The following HMX3 variants were observed in gnomAD, a reference collection of about 807,000 sequenced individuals.
HMX3 encodes the protein homeobox protein HMX3.
HMX3 carries 8 observed loss-of-function variants against 22.8 expected under a neutral mutation model. The ratio of observed to expected loss-of-function variants is 0.35; its 90% confidence interval spans 0.21 to 0.63. The LOEUF is 0.63. Among genes scored for constraint, HMX3 ranks in the 30% least tolerant of loss-of-function variants. The probability of loss-of-function intolerance (pLI) is 0.72; values close to 1 mark genes in which losing one functional copy is unlikely to be tolerated. For synonymous variants in HMX3, 331 were observed against 250.9 expected, an observed-to-expected ratio of 1.32 and a Z score of -3.02; for missense variants, 527 against 520.6, an observed-to-expected ratio of 1.01 and a Z score of -0.12.
rs767568082 is a variant in HMX3, at chr10:123,136,329, C to T, written c.279C>T (p.Phe93=). The change falls in exon 1 of 2, where the codon TTC becomes TTT. Residue 93 remains phenylalanine, a synonymous_variant. Transcript: ENST00000357878. The surrounding 1 kb of genome is among the most constrained non-coding windows in gnomAD (Gnocchi z 4.8). Reference sequence around the variant, plus strand: ...TCTCGCAGGTGGGCGACCTGGCTTTCCCTCGCTTTGAGATCCCGGCGCAGA... The same window carrying T: ...TCTCGCAGGTGGGCGACCTGGCTTTTCCTCGCTTTGAGATCCCGGCGCAGA... ...FALSQVGDLA[F]PRFEIPAQRF... The T allele has an allele frequency of 5.7e-6, 9 of 1,569,154 alleles. No individual in the cohort carries two copies. The highest frequency in any genetic ancestry group is 7.8e-6 in the Non-Finnish European group (9 of 1,158,874).
Position 123,136,388 on chromosome 10 carries a change from C to T in HMX3, c.338C>T (p.Ser113Phe). 1 of 1,561,416 alleles carries T rather than the reference C, an allele frequency of 6.4e-7. No homozygotes were observed. Among genetic ancestry groups the T allele is most frequent in the Non-Finnish European group, 8.7e-7 (1 of 1,154,444 alleles). ...FALPAHYLER[S>F]PAWWYPYTLT... ...CTGCCCGCGCACTACCTGGAGCGCT[C>T]CCCAGCCTGGTGGTACCCCTACACC... is the stretch of plus-strand genomic sequence containing the variant. Residue 113 changes from serine to phenylalanine, a missense_variant, in exon 1 of 2, where the codon TCC (serine) becomes TTC (phenylalanine). Around this residue, in one of 3 missense-constraint regions of HMX3, gnomAD observed 386 missense variants for 337.8 expected, o/e 1.14. Coordinates refer to ENST00000357878, the MANE Select transcript of HMX3 (RefSeq NM_001105574.2). This position sits in a 1 kb window ranked among gnomAD's most constrained non-coding sequence, Gnocchi z 4.8.
chr10:123,137,951 T>C lies in HMX3; in HGVS notation c.*220T>C, dbSNP rs1218966766. On this transcript the variant is annotated 3_prime_UTR_variant, in exon 2 of 2. Coordinates refer to ENST00000357878, the MANE Select transcript of HMX3 (RefSeq NM_001105574.2). The surrounding 1 kb of genome is among the most constrained non-coding windows in gnomAD (Gnocchi z 5.8). ...AATGGATTGGAGGCGCTTCCCCTCTTACTTTTGGTTTTTGGCTTATATTAA... is the reference window on the plus strand; with the variant it reads ...AATGGATTGGAGGCGCTTCCCCTCTCACTTTTGGTTTTTGGCTTATATTAA... 6.6e-6 allele frequency among the ~76,000 whole-genome samples: 1 copy of C among 152,212 alleles called. No homozygotes were observed. The highest frequency in any genetic ancestry group is 1.5e-5 in the Non-Finnish European group (1 of 68,030).
rs1036507262 is a variant in HMX3, at chr10:123,136,905, A to C, written c.401-153A>C. On this transcript the variant is annotated intron_variant, in intron 1 of 1. Coordinates refer to ENST00000357878, the MANE Select transcript of HMX3 (RefSeq NM_001105574.2). This position sits in a 1 kb window ranked among gnomAD's most constrained non-coding sequence, Gnocchi z 4.8. Reference sequence around the variant, plus strand: ...GGACTCGGCGTCCCTTCTCTGGCCCAGCCGAGAAGGAGGCAGCCCGCGGGA... The same window carrying C: ...GGACTCGGCGTCCCTTCTCTGGCCCCGCCGAGAAGGAGGCAGCCCGCGGGA... Among the ~76,000 whole-genome samples, 2 of 152,114 alleles carry C rather than the reference A, an allele frequency of 1.3e-5. No individual in the cohort carries two copies. Among genetic ancestry groups the C allele is most frequent in the African/African-American group, 4.8e-5 (2 of 41,436 alleles).
chr10:123,137,491 C>T lies in HMX3; in HGVS notation c.834C>T (p.Arg278=), dbSNP rs1237060351. 1.9e-6 allele frequency: 3 copies of T among 1,613,400 alleles called. No homozygotes were observed. Among genetic ancestry groups the T allele is most frequent in the East Asian group, 4.5e-5 (2 of 44,860 alleles). Residue 278 remains arginine (R), a synonymous_variant, in exon 2 of 2, where the codon CGC becomes CGT. Coordinates refer to ENST00000357878, the MANE Select transcript of HMX3 (RefSeq NM_001105574.2). This position sits in a 1 kb window ranked among gnomAD's most constrained non-coding sequence, Gnocchi z 5.8. ...ETQVKIWFQN[R]RNKWKRQLAA... ...AGGTCAAGATCTGGTTCCAGAACCG[C>T]CGCAACAAGTGGAAGCGGCAGCTGG...
Position 123,136,522 on chromosome 10 carries a change from T to C in HMX3, c.400+72T>C. ...CCGTCCCCGCCCCGCGCTGCTTCCC[T>C]CCGCAGTTCTGGGACCCCAGCACCC... is the stretch of plus-strand genomic sequence containing the variant. On this transcript the variant is annotated intron_variant, in intron 1 of 1. Coordinates refer to ENST00000357878, the MANE Select transcript of HMX3 (RefSeq NM_001105574.2). The surrounding 1 kb of genome is among the most constrained non-coding windows in gnomAD (Gnocchi z 4.8). 8.3e-7 allele frequency: 1 copy of C among 1,208,692 alleles called. No individual in the cohort carries two copies. Among genetic ancestry groups the C allele is most frequent in the Non-Finnish European group, 1.1e-6 (1 of 935,620 alleles). The allele number at this position is 1,208,692 out of a possible 1,614,324, so 74.9% of individuals were successfully genotyped here.
Position 123,139,349 on chromosome 10 carries a change from A to AAGAG in HMX3, c.*1619_*1620insGAGA. ...AGTCCCTTTTTAAGAAAAAGAGAAAAAAAAAACCCACAAAATATTGTTACA... is the reference window on the plus strand; with the variant it reads ...AGTCCCTTTTTAAGAAAAAGAGAAAAAGAGAAAAAACCCACAAAATATTGTTACA... On this transcript the variant is annotated 3_prime_UTR_variant, in exon 2 of 2. Coordinates refer to ENST00000357878, the MANE Select transcript of HMX3 (RefSeq NM_001105574.2). Among the ~76,000 whole-genome samples, 1 of 151,996 alleles carries AAGAG rather than the reference A, an allele frequency of 6.6e-6. No homozygotes were observed. Among genetic ancestry groups the AAGAG allele is most frequent in the Admixed American group, 6.5e-5 (1 of 15,292 alleles).
rs1844077077 is a variant in HMX3, at chr10:123,136,463, C to G, written c.400+13C>G. 2 of 1,381,592 alleles carry G rather than the reference C, an allele frequency of 1.4e-6. No homozygotes were observed. The highest frequency in any genetic ancestry group is 1.8e-5 in the South Asian group (1 of 55,318). 85.6% of individuals were successfully genotyped at this position (1,381,592 alleles called of 1,614,324 possible). A position where few individuals can be genotyped will look rare whatever the true frequency, so the allele number is the denominator to read the frequency against. ...CCGCGACCTGAAGGTACCGACCTCT[C>G]TTTGAACTTTCGTTGTCCCCCTGCG... On this transcript the variant is annotated intron_variant, in intron 1 of 1. Transcript: ENST00000357878. The surrounding 1 kb of genome is among the most constrained non-coding windows in gnomAD (Gnocchi z 4.8).
chr10:123,136,585 G>C lies in HMX3; in HGVS notation c.400+135G>C. ...CTCGGTCAGTTTTTTTCGGCCCCTA[G>C]CCTGCCCTCGCGCTGGGTTGCGCTG... On this transcript the variant is annotated intron_variant, in intron 1 of 1. Transcript: ENST00000357878. The surrounding 1 kb of genome is among the most constrained non-coding windows in gnomAD (Gnocchi z 4.8). 1 of 626,532 alleles carries C rather than the reference G, an allele frequency of 1.6e-6. No homozygotes were observed. Among genetic ancestry groups the C allele is most frequent in the Non-Finnish European group, 2.4e-6 (1 of 421,062 alleles). 38.8% of individuals were successfully genotyped at this position (626,532 alleles called of 1,614,324 possible). A position where few individuals can be genotyped will look rare whatever the true frequency, so the allele number is the denominator to read the frequency against.
chr10:123,137,245 CG>C lies in HMX3; in HGVS notation c.592del (p.Ala198ArgfsTer3). 2 of 1,592,326 alleles carry C rather than the reference CG, an allele frequency of 1.3e-6. No individual in the cohort carries two copies. The highest frequency in any genetic ancestry group is 8.5e-7 in the Non-Finnish European group (1 of 1,169,606). On this transcript the variant is annotated frameshift_variant, in exon 2 of 2. Transcript: ENST00000357878. LOFTEE classifies it high-confidence loss of function. The surrounding 1 kb of genome is among the most constrained non-coding windows in gnomAD (Gnocchi z 5.8). ...AAGGCGAAGCGGCGCCAGGCGCGGC[CG>C]GGGCGAGCGTAGGGGCGGCGGCGGC... ...KEGEAAPGAA[G>X]ASVGAAAATP...
At position 123,138,638 on chromosome 10, in the gene HMX3, G is replaced by T. The variant is rs868103662; in HGVS notation, c.*907G>T. Among the ~76,000 whole-genome samples, 1 of 152,040 alleles carries T rather than the reference G, an allele frequency of 6.6e-6. No homozygotes were observed. The highest frequency in any genetic ancestry group is 1.5e-5 in the Non-Finnish European group (1 of 68,010). On this transcript the variant is annotated 3_prime_UTR_variant, in exon 2 of 2. Coordinates refer to ENST00000357878, the MANE Select transcript of HMX3 (RefSeq NM_001105574.2). ...CGACTCAGGCCGCTTTTCTCTTCTG[G>T]AGAGGTCTGTTGCAATTAGCCTCTT...
In HMX3 at chr10:123,137,564, A is replaced by C; in HGVS notation, c.907A>C (p.Ile303Leu). 1.9e-6 allele frequency: 3 copies of C among 1,608,434 alleles called. No homozygotes were observed. The highest frequency in any genetic ancestry group is 2.5e-6 in the Non-Finnish European group (3 of 1,178,886). Reference sequence around the variant, plus strand: ...CCTGAGCCATGCCGCGGCGCAGCGCATCGTGCGGGTGCCCATCCTCTACCA... The same window carrying C: ...CCTGAGCCATGCCGCGGCGCAGCGCCTCGTGCGGGTGCCCATCCTCTACCA... ...ANLSHAAAQR[I>L]VRVPILYHEN... is the part of the protein sequence containing the mutation. The change falls in exon 2 of 2, where the codon ATC becomes CTC. Residue 303 changes from isoleucine to leucine, a missense_variant. Coordinates refer to ENST00000357878, the MANE Select transcript of HMX3 (RefSeq NM_001105574.2). The surrounding 1 kb of genome is among the most constrained non-coding windows in gnomAD (Gnocchi z 5.8).
Position 123,136,258 on chromosome 10 carries a change from G to A in HMX3, c.208G>A (p.Ala70Thr), listed in dbSNP as rs1477457238. 12 of 1,364,026 alleles carry A rather than the reference G, an allele frequency of 8.8e-6. No homozygotes were observed. The highest frequency in any genetic ancestry group is 1.1e-5 in the Non-Finnish European group (12 of 1,061,082). The allele number at this position is 1,364,026 out of a possible 1,614,324, so 84.5% of individuals were successfully genotyped here. A position where few individuals can be genotyped will look rare whatever the true frequency, so the allele number is the denominator to read the frequency against. ...SAAAAAAAAA[A>T]AAAKGALEGA... The stretch of plus-strand genomic sequence containing the variant: ...TGCCGCCGCCGCCGCCGCTGCCGCT[G>A]CCGCGGCGGCCAAGGGGGCCCTGGA... The change falls in exon 1 of 2, where the codon GCC becomes ACC. Residue 70 changes from alanine to threonine, a missense_variant. Ala to Thr is a moderately conservative substitution (Grantham distance 58). Coordinates refer to ENST00000357878, the MANE Select transcript of HMX3 (RefSeq NM_001105574.2). This position sits in a 1 kb window ranked among gnomAD's most constrained non-coding sequence, Gnocchi z 4.8.
At position 123,137,306 on chromosome 10, in the gene HMX3, G is replaced by C. The variant is rs769112328; in HGVS notation, c.649G>C (p.Glu217Gln). ...CGCAGAAGACTGGAAGAAGGGCGCTGAAAGTCCAGAGAAGAAGCCGGCGTG... is the reference window on the plus strand; with the variant it reads ...CGCAGAAGACTGGAAGAAGGGCGCTCAAAGTCCAGAGAAGAAGCCGGCGTG... Reference protein sequence around the residue: ...PGAEDWKKGAESPEKKPACRK... With the variant: ...PGAEDWKKGAQSPEKKPACRK... Residue 217 changes from glutamate to glutamine, a missense_variant, in exon 2 of 2, where the codon GAA (glutamate) becomes CAA (glutamine). Coordinates refer to ENST00000357878, the MANE Select transcript of HMX3 (RefSeq NM_001105574.2). The surrounding 1 kb of genome is among the most constrained non-coding windows in gnomAD (Gnocchi z 5.8). 1 of 1,606,490 alleles carries C rather than the reference G, an allele frequency of 6.2e-7. No individual in the cohort carries two copies. The highest frequency in any genetic ancestry group is 1.1e-5 in the South Asian group (1 of 90,354).
chr10:123,137,974 T>A lies in HMX3; in HGVS notation c.*243T>A, dbSNP rs1466593612. ...CTTACTTTTGGTTTTTGGCTTATAT[T>A]AAGAGAAAGCAGGAACAAGACAAAA... On this transcript the variant is annotated 3_prime_UTR_variant, in exon 2 of 2. Transcript: ENST00000357878. The surrounding 1 kb of genome is among the most constrained non-coding windows in gnomAD (Gnocchi z 5.8). Among the ~76,000 whole-genome samples, 2 of 152,216 alleles carry A rather than the reference T, an allele frequency of 1.3e-5. No individual in the cohort carries two copies. Among genetic ancestry groups the A allele is most frequent in the Non-Finnish European group, 2.9e-5 (2 of 68,034 alleles).
Position 123,136,006 on chromosome 10 carries a change from C to T in HMX3, c.-45C>T, listed in dbSNP as rs1217088479. 3 of 1,317,776 alleles carry T rather than the reference C, an allele frequency of 2.3e-6. No homozygotes were observed. The highest frequency in any genetic ancestry group is 2.3e-5 in the South Asian group (1 of 43,486). 81.6% of individuals were successfully genotyped at this position (1,317,776 alleles called of 1,614,324 possible). A position where few individuals can be genotyped will look rare whatever the true frequency, so the allele number is the denominator to read the frequency against. ...TCTCGCCTGCTCGCCCCGCCGCCCG[C>T]CTGTCCCGCTCCCTCCCTCCCGGGG... On this transcript the variant is annotated 5_prime_UTR_variant, in exon 1 of 2. Transcript: ENST00000357878. This position sits in a 1 kb window ranked among gnomAD's most constrained non-coding sequence, Gnocchi z 4.8.
Position 123,136,939 on chromosome 10 carries a change from G to A in HMX3, c.401-119G>A. The A allele has an allele frequency of 1.7e-6, 2 of 1,198,448 alleles. No homozygotes were observed. Among genetic ancestry groups the A allele is most frequent in the East Asian group, 2.6e-5 (1 of 38,510 alleles). The allele number at this position is 1,198,448 out of a possible 1,614,324, so 74.2% of individuals were successfully genotyped here. A position where few individuals can be genotyped will look rare whatever the true frequency, so the allele number is the denominator to read the frequency against. On this transcript the variant is annotated intron_variant, in intron 1 of 1. Coordinates refer to ENST00000357878, the MANE Select transcript of HMX3 (RefSeq NM_001105574.2). This position sits in a 1 kb window ranked among gnomAD's most constrained non-coding sequence, Gnocchi z 4.8. ...GGAGGCAGCCCGCGGGAATGGTGAG[G>A]CCTCATGGCCTGGGACCTGGAGGCC... is the stretch of plus-strand genomic sequence containing the variant.
rs1844114047 is a variant in HMX3, at chr10:123,139,355, ACCC to A, written c.*1625_*1627del. On this transcript the variant is annotated 3_prime_UTR_variant, in exon 2 of 2. Coordinates refer to ENST00000357878, the MANE Select transcript of HMX3 (RefSeq NM_001105574.2). ...TTTTTAAGAAAAAGAGAAAAAAAAA[ACCC>A]ACAAAATATTGTTACACTAATGTTG... Among the ~76,000 whole-genome samples, 1 of 151,954 alleles carries A rather than the reference ACCC, an allele frequency of 6.6e-6. No homozygotes were observed. The highest frequency in any genetic ancestry group is 6.6e-5 in the Admixed American group (1 of 15,266).
In HMX3 at chr10:123,138,162, C is replaced by T. The variant is rs56309409; in HGVS notation, c.*431C>T. ...TTCTTTTCTGCTTTTTTTTTTTTTT[C>T]CGAGACGGAATCTTGCTCTATCTAT... On this transcript the variant is annotated 3_prime_UTR_variant, in exon 2 of 2. Coordinates refer to ENST00000357878, the MANE Select transcript of HMX3 (RefSeq NM_001105574.2). Among the ~76,000 whole-genome samples, 126,561 of 140,896 alleles carry T rather than the reference C, an allele frequency of 0.9. 56,840 individuals are homozygous for T. The highest frequency in any genetic ancestry group is 0.98 in the East Asian group (4,713 of 4,790). The allele number at this position is 140,896 out of a possible 152,430, so 92.4% of individuals were successfully genotyped here. A position where few individuals can be genotyped will look rare whatever the true frequency, so the allele number is the denominator to read the frequency against.
Position 123,136,661 on chromosome 10 carries a change from G to A in HMX3, c.400+211G>A, listed in dbSNP as rs889420045. Among the ~76,000 whole-genome samples the A allele has an allele frequency of 6.6e-6, 1 of 152,174 alleles. No individual in the cohort carries two copies. Among genetic ancestry groups the A allele is most frequent in the South Asian group, 2.1e-4 (1 of 4,832 alleles). The stretch of plus-strand genomic sequence containing the variant: ...AGAAAAGAAGTGGAATTGGAGCCCC[G>A]GGCACGGTGCTTCCCGGGAAAAGTG... On this transcript the variant is annotated intron_variant, in intron 1 of 1. Coordinates refer to ENST00000357878, the MANE Select transcript of HMX3 (RefSeq NM_001105574.2). This position sits in a 1 kb window ranked among gnomAD's most constrained non-coding sequence, Gnocchi z 4.8.
Sources: allele counts gnomAD v4.1 joint callset (sites outside exome capture counted in the v4.1 genomes callset), GRCh38; gene constraint gnomAD v4.1.1; regional missense constraint gnomAD v4.1.1; non-coding constraint Gnocchi (gnomAD v3.1); transcripts MANE v1.5; gene names NCBI Gene and HGNC (gene_info 2026-07-23, HGNC 2026-07-21).